SSBP3: variants seen among roughly 807,000 people sequenced by gnomAD.
The protein encoded by SSBP3 is single-stranded DNA-binding protein 3.
SSBP3 carries 5 observed loss-of-function variants against 69.6 expected under a neutral mutation model. The observed-to-expected ratio is 0.07, with a 90% CI of 0.04 to 0.15. The LOEUF (loss-of-function observed/expected upper bound fraction) is 0.15. SSBP3 is among the 10% of genes least tolerant of loss of function. The pLI, the probability that SSBP3 is intolerant of heterozygous loss-of-function variation, is 1.00. For synonymous variants in SSBP3, 196 were observed against 193.4 expected, an observed-to-expected ratio of 1.01 and a Z score of -0.11; for missense variants, 312 against 534.0, an observed-to-expected ratio of 0.58 and a Z score of 4.10.
intron 4 of SSBP3, among the ~76,000 whole-genome samples, chr1:54,308,926 G>A (rs558681489): frequency 6.6e-6 from 1 of 151,748 alleles, no homozygotes; most frequent in South Asian, 2.1e-4. Context: ...AAATACCTAA[G>A]AAAAAGGCAA....
At chr1:54,238,157 G>A (rs908740704) in intron 14 of SSBP3, 1 of 471,058 alleles carries the variant, frequency 2.1e-6, no homozygotes, top group Non-Finnish European at 4.4e-6. Flanking sequence ...ATCCCTCAGA[G>A]GGCTGCTGGA....
chr1:54,391,300 C>T (rs371144838), intron 4 of SSBP3, among the ~76,000 whole-genome samples: 6 of 152,234 alleles, frequency 3.9e-5, no homozygotes, highest in African/African-American at 1.4e-4. Flanking sequence ...ATTTTGCAGA[C>T]ACCAGACAAC....
intron 9 of SSBP3, among the ~76,000 whole-genome samples, chr1:54,249,692 CTTT>C (rs1309106055): frequency 7.1e-6 from 1 of 140,988 alleles, no homozygotes; most frequent in African/African-American, 2.7e-5. Context: ...AACAATAAAA[CTTT>C]TTTTATTTTT....
chr1:54,389,045 GAATCGGGTC>G (rs1324056787), intron 4 of SSBP3, among the ~76,000 whole-genome samples: 1 of 152,194 alleles, frequency 6.6e-6, no homozygotes, highest in Non-Finnish European at 1.5e-5. Flanking sequence ...AGTTCTAGAA[GAATCGGGTC>G]TGCCTCAATT....
intron 14 of SSBP3, among the ~76,000 whole-genome samples, chr1:54,232,100 T>C (rs1570185094): frequency 1.3e-5 from 2 of 152,236 alleles, no homozygotes; most frequent in South Asian, 4.1e-4. Context: ...TTCTGTATTA[T>C]TTACTTTTCC....
At chr1:54,303,370 C>G (rs1036899092) in intron 4 of SSBP3, among the ~76,000 whole-genome samples, 6 of 137,788 alleles carry the variant, frequency 4.4e-5, no homozygotes, top group Non-Finnish European at 9.2e-5. Context: ...CCCGCCTAGA[C>G]AGTCAGCCCA....
Position 54,315,320 on chromosome 1 carries a change from G to T in SSBP3, c.277-33793C>A, listed in dbSNP as rs192971767. Reference sequence around the variant, plus strand: ...TGGTCTACCTCTGTTTCCAGCCGCCGCCTGTCCCTCCTCTCTTACATAGCT... The same window carrying T: ...TGGTCTACCTCTGTTTCCAGCCGCCTCCTGTCCCTCCTCTCTTACATAGCT... On this transcript the variant is annotated intron_variant, in intron 4 of 17. Transcript: ENST00000610401. Among the ~76,000 whole-genome samples, 67 of 152,160 alleles carry T rather than the reference G, an allele frequency of 4.4e-4. 1 individual carries two copies. The highest frequency in any genetic ancestry group is 1.6e-3 in the African/African-American group (65 of 41,510).
chr1:54,324,877 C>G (rs17110390), intron 4 of SSBP3, among the ~76,000 whole-genome samples: 1,540 of 152,218 alleles, frequency 0.01, 23 homozygotes, highest in African/African-American at 0.035. Context: ...TCAAGATACA[C>G]GGCCTGACAT....
At chr1:54,305,861 C>A (rs2100224799) in intron 4 of SSBP3, among the ~76,000 whole-genome samples, 1 of 148,742 alleles carries the variant, frequency 6.7e-6, no homozygotes, top group East Asian at 2.0e-4. Flanking sequence ...TATCTAGCAG[C>A]CGTCTCTCCC....
intron 9 of SSBP3, among the ~76,000 whole-genome samples, chr1:54,246,338 G>A (rs1479766634): frequency 6.6e-6 from 1 of 152,174 alleles, no homozygotes; most frequent in Non-Finnish European, 1.5e-5. Context: ...AGGACAAGCA[G>A]CTTGCCACCT....
At chr1:54,396,193 GAAAA>G (rs59276509) in intron 4 of SSBP3, among the ~76,000 whole-genome samples, 240 of 40,546 alleles carry the variant, frequency 5.9e-3, no homozygotes, top group South Asian at 0.015. Context: ...CTCCATCTCA[GAAAA>G]AAAAAAAAAA....
intron 4 of SSBP3, among the ~76,000 whole-genome samples, chr1:54,297,781 C>T (rs1174155923): frequency 2.6e-5 from 4 of 152,208 alleles, no homozygotes; most frequent in African/African-American, 9.6e-5. Flanking sequence ...AGGCCCTTCC[C>T]TGTACCCATA....
chr1:54,368,736 T>C (rs1470332229), intron 4 of SSBP3, among the ~76,000 whole-genome samples: 1 of 152,176 alleles, frequency 6.6e-6, no homozygotes, highest in Non-Finnish European at 1.5e-5. Flanking sequence ...GACCCTTTAT[T>C]GAAATGTGCC....
At chr1:54,330,688 C>G (rs777483051) in intron 4 of SSBP3, among the ~76,000 whole-genome samples, 2 of 145,924 alleles carry the variant, frequency 1.4e-5, no homozygotes, top group Non-Finnish European at 3.0e-5. Flanking sequence ...AATCTCAACG[C>G]TCCAACCTTG....
At chr1:54,265,061 C>T (rs78963922) in intron 5 of SSBP3, among the ~76,000 whole-genome samples, 7,005 of 152,216 alleles carry the variant, frequency 0.046, 201 homozygotes, top group Non-Finnish European at 0.06. Context: ...TCCCAAATAC[C>T]GACAGAAAAT....
intron 4 of SSBP3, among the ~76,000 whole-genome samples, chr1:54,300,600 A>G (rs957433063): frequency 3.9e-5 from 6 of 152,222 alleles, no homozygotes; most frequent in Non-Finnish European, 8.8e-5. Flanking sequence ...TTTCTGCCGG[A>G]GGGTGGGGCT....
At chr1:54,257,948 G>C (rs1644951558) in intron 6 of SSBP3, 121 bp downstream of exon 6, 7 of 904,034 alleles carry the variant, frequency 7.7e-6, no homozygotes, top group Non-Finnish European at 1.1e-5. Context: ...AATTTAATTT[G>C]TCAATAAAGA....
At chr1:54,383,692 T>A (rs2100735949) in intron 4 of SSBP3, among the ~76,000 whole-genome samples, 1 of 151,854 alleles carries the variant, frequency 6.6e-6, no homozygotes, top group South Asian at 2.1e-4. Flanking sequence ...GAGAGAGAAA[T>A]CAGAAGTGGG....
At chr1:54,242,032 C>T in intron 11 of SSBP3, 132 bp downstream of exon 11, 2 of 1,077,214 alleles carry the variant, frequency 1.9e-6, no homozygotes, top group Non-Finnish European at 2.7e-6. Flanking sequence ...ACACGGCCTT[C>T]TCCCTAGAAG....
Sources: allele counts gnomAD v4.1 joint callset (sites outside exome capture counted in the v4.1 genomes callset), GRCh38; gene constraint gnomAD v4.1.1; transcripts MANE v1.5; gene names NCBI Gene and HGNC (gene_info 2026-07-23, HGNC 2026-07-21).